USP10: variants seen among roughly 807,000 people sequenced by gnomAD.
USP10 encodes ubiquitin specific peptidase 10.
A neutral mutation model predicts 84.5 loss-of-function variants in USP10; 22 were observed. The ratio of observed to expected loss-of-function variants is 0.26; its 90% CI spans 0.19 to 0.37. The LOEUF is 0.37. USP10 is among the 10% of genes least tolerant of loss of function. USP10 has a pLI of 1.00. For synonymous variants in USP10, 454 were observed against 387.6 expected (o/e 1.17, Z -2.01); for missense variants, 1,019 against 998.9 (o/e 1.02, Z -0.27).
In USP10 at chr16:84,758,584, A is replaced by G. The variant is rs1421046548; in HGVS notation, c.1193-132A>G. ...TTGAACTGAATGAAGCCTTAACAGT[A>G]TGCATTTTCTTTGGCTGTGTGTTTT... is the stretch of plus-strand genomic sequence containing the variant. On this transcript the variant is annotated intron_variant, in intron 4 of 13. Coordinates refer to ENST00000219473, the MANE Select transcript of USP10 (RefSeq NM_005153.3). The G allele has an allele frequency of 4.5e-6, 3 of 663,842 alleles. No individual in the cohort carries two copies. The African/African-American group carries it at 5.4e-5, about 12-fold the overall frequency. 41.1% of individuals were successfully genotyped at this position (663,842 alleles called of 1,614,324 possible).
At chr16:84,775,684 C>G (rs1259880081) in intron 13 of USP10, among the ~76,000 whole-genome samples, 2 of 152,208 alleles carry the variant, frequency 1.3e-5, no homozygotes, top group African/African-American at 4.8e-5. Flanking sequence ...CCCGATTACA[C>G]AAGCTCCTCG....
intron 2 of USP10, among the ~76,000 whole-genome samples, chr16:84,735,468 A>G (rs1909813976): frequency 1.3e-5 from 2 of 152,168 alleles, no homozygotes; most frequent in Admixed American, 6.5e-5. Context: ...CCACTTCCAC[A>G]GGCTCGGAGG....
intron 1 of USP10, among the ~76,000 whole-genome samples, chr16:84,706,750 C>T (rs1366300905): frequency 6.6e-6 from 1 of 151,782 alleles, no homozygotes; most frequent in Non-Finnish European, 1.5e-5. Context: ...CGGTGTTAGC[C>T]AGGATGGTCT....
intron 1 of USP10, among the ~76,000 whole-genome samples, chr16:84,715,537 G>C (rs1906899849): frequency 6.6e-6 from 1 of 152,138 alleles, no homozygotes; most frequent in Non-Finnish European, 1.5e-5. Flanking sequence ...AGTCCACCTG[G>C]GTGACCTTAC....
chr16:84,776,835 T>C (rs1054441946), intron 13 of USP10, among the ~76,000 whole-genome samples: 7 of 152,172 alleles, frequency 4.6e-5, no homozygotes, highest in African/African-American at 1.7e-4. Context: ...TTTTTTGAGA[T>C]AGAGTTTTGC....
chr16:84,712,138 AG>A (rs1340751505), intron 1 of USP10, among the ~76,000 whole-genome samples: 1 of 152,146 alleles, frequency 6.6e-6, no homozygotes, highest in African/African-American at 2.4e-5. Flanking sequence ...CTTTTCTGTG[AG>A]AAGGGAAAGA....
At chr16:84,760,947 A>G (rs774720274) in intron 8 of USP10, among the ~76,000 whole-genome samples, 3 of 152,362 alleles carry the variant, frequency 2.0e-5, no homozygotes, top group East Asian at 1.9e-4. Context: ...AGAAAATGCC[A>G]TTTAAGTCAA....
intron 3 of USP10, among the ~76,000 whole-genome samples, chr16:84,743,328 C>T (rs949253338): frequency 6.6e-6 from 1 of 152,134 alleles, no homozygotes; most frequent in Non-Finnish European, 1.5e-5. Flanking sequence ...CCCCCACAGT[C>T]GGGGGCTGTG....
intron 1 of USP10, among the ~76,000 whole-genome samples, chr16:84,714,046 A>C (rs8064001): frequency 6.6e-6 from 1 of 152,190 alleles, no homozygotes; most frequent in South Asian, 2.1e-4. Flanking sequence ...TTTCCTGGGC[A>C]CCAGAATAGT....
At chr16:84,731,677 T>C (rs1292486971) in intron 1 of USP10, among the ~76,000 whole-genome samples, 1 of 152,206 alleles carries the variant, frequency 6.6e-6, no homozygotes, top group African/African-American at 2.4e-5. Flanking sequence ...TCCATAGCCT[T>C]GTTGATTTTG....
At chr16:84,734,139 G>A (rs1909596067) in intron 2 of USP10, among the ~76,000 whole-genome samples, 1 of 152,156 alleles carries the variant, frequency 6.6e-6, no homozygotes, top group Non-Finnish European at 1.5e-5. Flanking sequence ...ACAGACCTGG[G>A]AATGGAATTA....
At chr16:84,727,066 C>T (rs917083069) in intron 1 of USP10, among the ~76,000 whole-genome samples, 1 of 152,158 alleles carries the variant, frequency 6.6e-6, no homozygotes, top group Non-Finnish European at 1.5e-5. Context: ...GCTGACAGGG[C>T]CTCCAGGTAC....
intron 4 of USP10, among the ~76,000 whole-genome samples, chr16:84,749,280 G>A (rs1911620660): frequency 6.6e-6 from 1 of 152,192 alleles, no homozygotes. Flanking sequence ...ACACTTTTAA[G>A]TGTAGGCCCA....
chr16:84,743,348 C>T (rs1910843816), intron 3 of USP10, among the ~76,000 whole-genome samples: 1 of 152,154 alleles, frequency 6.6e-6, no homozygotes, highest in Non-Finnish European at 1.5e-5. Context: ...GATTCTAAAG[C>T]ATACGAAGAT....
At chr16:84,739,184 G>A (rs1248625419) in intron 2 of USP10, among the ~76,000 whole-genome samples, 1 of 146,970 alleles carries the variant, frequency 6.8e-6, no homozygotes, top group Non-Finnish European at 1.5e-5. Flanking sequence ...TCAGCCTCCT[G>A]AGTAGCTGGG....
At chr16:84,713,947 TG>T (rs764437778) in intron 1 of USP10, among the ~76,000 whole-genome samples, 2 of 152,186 alleles carry the variant, frequency 1.3e-5, no homozygotes, top group Non-Finnish European at 2.9e-5. Flanking sequence ...GCTGCAGCAC[TG>T]GGGGTTGGCT....
chr16:84,748,649 C>T (rs562593483), intron 4 of USP10, among the ~76,000 whole-genome samples: 2 of 152,278 alleles, frequency 1.3e-5, no homozygotes, highest in African/African-American at 2.4e-5. Context: ...CAAAGGAAAA[C>T]CTCCCATCTT....
chr16:84,763,537 G>A (rs750042145), intron 9 of USP10, among the ~76,000 whole-genome samples: 21 of 152,318 alleles, frequency 1.4e-4, no homozygotes, highest in Non-Finnish European at 2.5e-4. Context: ...CATCTCCTGC[G>A]TAACCACAGT....
intron 1 of USP10, among the ~76,000 whole-genome samples, chr16:84,705,918 C>T (rs1439590626): frequency 6.6e-6 from 1 of 151,946 alleles, no homozygotes; most frequent in Non-Finnish European, 1.5e-5. Context: ...AACGGGGTTT[C>T]ACCATGTTAG....
Sources: allele counts gnomAD v4.1 joint callset (sites outside exome capture counted in the v4.1 genomes callset), GRCh38; gene constraint gnomAD v4.1.1; transcripts MANE v1.5; gene names NCBI Gene and HGNC (gene_info 2026-07-23, HGNC 2026-07-21).